The following STIM1 variants were observed in gnomAD, a reference collection of about 807,000 sequenced individuals.
STIM1 encodes stromal interaction molecule 1.
STIM1 carries 25 observed loss-of-function variants against 74.7 expected under a neutral mutation model. That is an observed-to-expected ratio of 0.33 (90% CI 0.24 to 0.47). The LOEUF is 0.47. Among genes scored for constraint, STIM1 ranks in the 20% least tolerant of loss-of-function variants. The pLI, the probability that STIM1 is intolerant of heterozygous loss-of-function variation, is 1.00. For missense variants in STIM1, 728 were observed against 920.8 expected (o/e 0.79, Z 2.71); for synonymous variants, 328 against 348.8 (o/e 0.94, Z 0.66).
At chr11:3,949,515 T>C (rs1026824082) in intron 1 of STIM1, among the ~76,000 whole-genome samples, 2 of 152,196 alleles carry the variant, frequency 1.3e-5, no homozygotes, top group Admixed American at 6.5e-5. Context: ...AAAGGGGTCC[T>C]TGAGGGGTGT....
chr11:3,896,976 C>T (rs2092197539), intron 1 of STIM1, among the ~76,000 whole-genome samples: 1 of 152,210 alleles, frequency 6.6e-6, no homozygotes, highest in Admixed American at 6.5e-5. Flanking sequence ...AATAAGCTCT[C>T]ATTAAGTGTT....
At chr11:3,981,004 A>G (rs2093498983) in intron 2 of STIM1, among the ~76,000 whole-genome samples, 1 of 152,094 alleles carries the variant, frequency 6.6e-6, no homozygotes, top group Middle Eastern at 3.2e-3. Context: ...AGAAATATAT[A>G]TATATTTTTT....
chr11:3,857,437 T>C (rs1355432873), intron 1 of STIM1, among the ~76,000 whole-genome samples: 1 of 151,774 alleles, frequency 6.6e-6, no homozygotes, highest in Admixed American at 6.6e-5. Context: ...TCTTTCTATT[T>C]TTAATTTTTT....
chr11:3,860,474 T>C, intron 1 of STIM1, among the ~76,000 whole-genome samples: 1 of 152,170 alleles, frequency 6.6e-6, no homozygotes, highest in East Asian at 1.9e-4. Flanking sequence ...CTCAAAACTT[T>C]GTGATAAATC....
At chr11:3,955,942 C>T (rs1388906301) in intron 1 of STIM1, among the ~76,000 whole-genome samples, 1 of 151,012 alleles carries the variant, frequency 6.6e-6, no homozygotes, top group African/African-American at 2.4e-5. Flanking sequence ...TTATTTTTTA[C>T]TGCTCCCTGT....
chr11:3,969,832 A>G (rs936007936), intron 2 of STIM1, among the ~76,000 whole-genome samples: 7 of 152,240 alleles, frequency 4.6e-5, no homozygotes, highest in African/African-American at 1.4e-4. Flanking sequence ...TTGAGCAAAG[A>G]CAACGACCAT....
intron 2 of STIM1, among the ~76,000 whole-genome samples, chr11:4,007,189 C>G (rs932090073): frequency 6.6e-6 from 1 of 152,094 alleles, no homozygotes; most frequent in Non-Finnish European, 1.5e-5. Flanking sequence ...CTTTGTAGAA[C>G]TATTGAGCTG....
intron 3 of STIM1, among the ~76,000 whole-genome samples, chr11:4,029,107 G>A (rs1262378172): frequency 2.0e-5 from 3 of 151,146 alleles, no homozygotes; most frequent in Non-Finnish European, 2.9e-5. Flanking sequence ...AGAATTGCTT[G>A]AAACTGGAAA....
At chr11:4,054,090 T>A (rs900858052) in intron 3 of STIM1, among the ~76,000 whole-genome samples, 1 of 152,238 alleles carries the variant, frequency 6.6e-6, no homozygotes. Context: ...AAATTTAAAT[T>A]GCCACTGTGG....
rs540661555 is a variant in STIM1 at position 3,973,418 on chromosome 11, G to A, written c.270+5736G>A. 20 of 379,050 alleles carry A rather than the reference G, an allele frequency of 5.3e-5. No individual in the cohort carries two copies. The East Asian group carries it at 1.1e-3, about 20-fold the overall frequency. The allele number at this position is 379,050 out of a possible 1,614,324, so 23.5% of individuals were successfully genotyped here. The stretch of plus-strand genomic sequence containing the variant: ...TATGGTATTTCTTTTTTTTTCTCTC[G>A]AGACAAGGTCTTGCTCTGTTGCCCA... On this transcript the variant is annotated intron_variant, in intron 2 of 12. Coordinates refer to ENST00000526596, the MANE Select transcript of STIM1 (RefSeq NM_001382567.1).
At chr11:3,923,866 A>G (rs2092751536) in intron 1 of STIM1, among the ~76,000 whole-genome samples, 1 of 152,094 alleles carries the variant, frequency 6.6e-6, no homozygotes, top group South Asian at 2.1e-4. Context: ...TGGTTTGTCA[A>G]CTTCTGCTAA....
At chr11:3,874,241 T>C (rs974296901) in intron 1 of STIM1, among the ~76,000 whole-genome samples, 1 of 152,216 alleles carries the variant, frequency 6.6e-6, no homozygotes, top group African/African-American at 2.4e-5. Context: ...TTGTCTGTTC[T>C]AGTAGCCCTC....
chr11:4,017,058 C>G (rs1255469184), intron 2 of STIM1, among the ~76,000 whole-genome samples: 2 of 152,224 alleles, frequency 1.3e-5, no homozygotes, highest in Non-Finnish European at 2.9e-5. Flanking sequence ...CCTGCTTTGG[C>G]TTGTCCTCCA....
intron 5 of STIM1, among the ~76,000 whole-genome samples, chr11:4,066,297 AG>A (rs1403148023): frequency 1.3e-5 from 2 of 152,150 alleles, no homozygotes; most frequent in Admixed American, 1.3e-4. Context: ...GAGTTTGTGT[AG>A]GGGTTGTGCG....
Position 4,057,293 on chromosome 11 carries a change from C to T in STIM1, c.497+1656C>T, listed in dbSNP as rs114359169. Among the ~76,000 whole-genome samples the T allele has an allele frequency of 2.3e-3, 352 of 152,316 alleles. 3 individuals are homozygous for T. Among genetic ancestry groups the T allele is most frequent in the African/African-American group, 8.0e-3 (333 of 41,558 alleles). On this transcript the variant is annotated intron_variant, in intron 4 of 12. Transcript: ENST00000526596. ...GGATAAGAAGTCAGTTCTCAGGTCA[C>T]TGGTTCACTTAGCTTTTTTGTGGCT...
At position 3,951,665 on chromosome 11, in the gene STIM1, A is replaced by G. The variant is rs148126632; in HGVS notation, c.140-15887A>G. 3.0e-3 allele frequency among the ~76,000 whole-genome samples: 453 copies of G among 152,302 alleles called. 2 individuals carry two copies. Among genetic ancestry groups the G allele is most frequent in the Admixed American group, 6.0e-3 (92 of 15,306 alleles). Reference sequence around the variant, plus strand: ...CCTTACTGATTGAACCCAGAAGGGTATAATCTTAGAGGGTCCACTGATAGG... The same window carrying G: ...CCTTACTGATTGAACCCAGAAGGGTGTAATCTTAGAGGGTCCACTGATAGG... On this transcript the variant is annotated intron_variant, in intron 1 of 12. Coordinates refer to ENST00000526596, the MANE Select transcript of STIM1 (RefSeq NM_001382567.1).
intron 2 of STIM1, among the ~76,000 whole-genome samples, chr11:3,968,508 A>G (rs1486909596): frequency 6.6e-6 from 1 of 152,208 alleles, no homozygotes; most frequent in Non-Finnish European, 1.5e-5. Context: ...AATGTGAGGA[A>G]CAATGAGGGC....
chr11:3,898,051 A>G (rs1400873017), intron 1 of STIM1, among the ~76,000 whole-genome samples: 2 of 152,180 alleles, frequency 1.3e-5, no homozygotes, highest in African/African-American at 2.4e-5. Context: ...GCTGGGTCAA[A>G]TGGTATTTCT....
At chr11:3,871,405 A>G (rs985352004) in intron 1 of STIM1, among the ~76,000 whole-genome samples, 12 of 152,018 alleles carry the variant, frequency 7.9e-5, no homozygotes, top group African/African-American at 2.9e-4. Flanking sequence ...TTTAGTACAC[A>G]AGTTCCTAAG....
Sources: gnomAD v4.1 joint callset for allele counts (sites outside exome capture counted in the v4.1 genomes callset) on GRCh38, gnomAD v4.1.1 for gene constraint, MANE v1.5 for transcripts, NCBI Gene and HGNC (gene_info 2026-07-23, HGNC 2026-07-21) for gene names.